Variants in FRMD8 observed in about 807,000 individuals in gnomAD.
FRMD8 encodes the protein FERM domain containing 8.
Under a neutral mutation model 54.2 loss-of-function variants are expected in FRMD8, and 37 were observed. The ratio of observed to expected loss-of-function variants is 0.68; its 90% CI spans 0.53 to 0.90. FRMD8 has a LOEUF of 0.90. FRMD8 is among the 40% of genes least tolerant of loss of function. FRMD8 has a pLI of 0.00. For missense variants in FRMD8, 585 were observed against 653.7 expected (o/e 0.89, Z 1.15); for synonymous variants, 246 against 286.9 (o/e 0.86, Z 1.44).
chr11:65,375,410 G>T, the FRMD8 span: 2 of 152,418 alleles, frequency 1.3e-5, no homozygotes, highest in African/African-American at 2.4e-5. Flanking sequence ...AGGTGGGGAG[G>T]TAAGTCAAGG....
chr11:65,405,089 T>C lies in FRMD8; in HGVS notation c.1276+21T>C, dbSNP rs575913831. 13 of 1,609,294 alleles carry C rather than the reference T, an allele frequency of 8.1e-6. No individual in the cohort carries two copies. In the African/African-American group the frequency reaches 1.1e-4, roughly 13 times the overall value. On this transcript the variant is annotated intron_variant, in intron 10 of 10. Coordinates refer to ENST00000317568, the MANE Select transcript of FRMD8 (RefSeq NM_031904.5). ...GGACGGTGAGCAGCCCTTCTGTGCA[T>C]GTGCACACACAAACACGCATGCGCG...
At chr11:65,401,961 C>A (rs1414748666) in intron 9 of FRMD8, among the ~76,000 whole-genome samples, 2 of 151,704 alleles carry the variant, frequency 1.3e-5, no homozygotes, top group Non-Finnish European at 2.9e-5. Flanking sequence ...CCCAGCCATC[C>A]CAAAGTCAAT....
At chr11:65,386,948 T>C in intron 1 of FRMD8, 89 bp from the exon 2 acceptor site, 1 of 1,151,408 alleles carries the variant, frequency 8.7e-7, no homozygotes, top group East Asian at 2.4e-5. Context: ...CAGCCTGGGA[T>C]CCCTTACCGT....
the FRMD8 span, chr11:65,376,377 G>A: frequency 1.9e-6 from 3 of 1,605,234 alleles, no homozygotes; most frequent in South Asian, 1.1e-5. Context: ...CCGTGGGCCT[G>A]ATGGGGAGCT....
At chr11:65,384,962 C>T (rs1174553241), upstream of FRMD8, among the ~76,000 whole-genome samples, 3 of 152,158 alleles carry the variant, frequency 2.0e-5, no homozygotes, top group Admixed American at 6.5e-5. Flanking sequence ...CCTCCTGCCT[C>T]GGCCTCCCAA....
rs1435747917 is a variant in FRMD8, at chr11:65,404,856, C to T, written c.1072-8C>T. On this transcript the variant is annotated splice_polypyrimidine_tract_variant and splice_region_variant and intron_variant, in intron 9 of 10. Transcript: ENST00000317568. This position sits in a 1 kb window ranked among gnomAD's most constrained non-coding sequence, Gnocchi z 4.7. ...TGGCCAGGCCTCACACTGCCCCCTC[C>T]TCCCCAGGCCGAACTGATGAGCAGT... is the stretch of plus-strand genomic sequence containing the variant. 1.2e-6 allele frequency: 2 copies of T among 1,607,676 alleles called. No individual in the cohort carries two copies. The highest frequency in any genetic ancestry group is 1.7e-6 in the Non-Finnish European group (2 of 1,175,872).
chr11:65,391,748 T>C (rs1855850714), intron 3 of FRMD8, among the ~76,000 whole-genome samples: 1 of 152,110 alleles, frequency 6.6e-6, no homozygotes, highest in African/African-American at 2.4e-5. Context: ...TGACCTCAAG[T>C]GATCCACCCG....
chr11:65,401,864 C>G (rs1856092191), intron 9 of FRMD8, among the ~76,000 whole-genome samples: 1 of 123,404 alleles, frequency 8.1e-6, no homozygotes, highest in South Asian at 2.6e-4. Flanking sequence ...CTGGTTTATG[C>G]TTTTTGTTTC....
chr11:65,373,632 G>A, the FRMD8 span, among the ~76,000 whole-genome samples: 29 of 152,128 alleles, frequency 1.9e-4, no homozygotes, highest in East Asian at 2.7e-3. Context: ...CATCACCCAC[G>A]CTGGAGTACA....
rs114748230 is a variant in FRMD8 at position 65,408,575 on chromosome 11, A to G, written c.1277-2667A>G. 4.7e-3 allele frequency among the ~76,000 whole-genome samples: 707 copies of G among 151,870 alleles called. 7 individuals carry two copies. The highest frequency in any genetic ancestry group is 0.015 in the African/African-American group (631 of 41,390). On this transcript the variant is annotated intron_variant, in intron 10 of 10. Coordinates refer to ENST00000317568, the MANE Select transcript of FRMD8 (RefSeq NM_031904.5). ...TCCTTAGAATCTGAAATGTTTCCTC[A>G]GGATACTTTCCTAGAAATGGCCTTG...
chr11:65,394,387 G>T lies in FRMD8; in HGVS notation c.543G>T (p.Gly181=). The T allele has an allele frequency of 1.9e-6, 3 of 1,572,060 alleles. No homozygotes were observed. The highest frequency in any genetic ancestry group is 1.2e-5 in the South Asian group (1 of 86,362). ...LGALVCRVQL[G]PYQPGRPAAC... ...CCCTGGTGTGCCGCGTGCAGCTTGGGCCCTACCAGCCCGGCCGGCCGGCAG... is the reference window on the plus strand; with the variant it reads ...CCCTGGTGTGCCGCGTGCAGCTTGGTCCCTACCAGCCCGGCCGGCCGGCAG... The change falls in exon 6 of 11, where the codon GGG becomes GGT. Residue 181 remains glycine, a synonymous_variant. Transcript: ENST00000317568.
chr11:65,369,029 G>A, the FRMD8 span, among the ~76,000 whole-genome samples: 2 of 152,098 alleles, frequency 1.3e-5, no homozygotes, highest in Non-Finnish European at 2.9e-5. Flanking sequence ...TTCTCAAGGC[G>A]TTGCTCTCAG....
rs998364092 is a variant in FRMD8 at position 65,411,962 on chromosome 11, A to G, written c.*602A>G. Reference sequence around the variant, plus strand: ...CTCCCTGGATTGAACCGGGACAGAAACACGGTGAGGGCCCCCACCACACCT... The same window carrying G: ...CTCCCTGGATTGAACCGGGACAGAAGCACGGTGAGGGCCCCCACCACACCT... On this transcript the variant is annotated 3_prime_UTR_variant, in exon 11 of 11. Transcript: ENST00000317568. 6.6e-6 allele frequency: 1 copy of G among 152,214 alleles called. No homozygotes were observed. The highest frequency in any genetic ancestry group is 1.5e-5 in the Non-Finnish European group (1 of 68,076). 9.4% of individuals were successfully genotyped at this position (152,214 alleles called of 1,614,324 possible).
At chr11:65,373,998 T>C in the FRMD8 span, among the ~76,000 whole-genome samples, 1 of 148,060 alleles carries the variant, frequency 6.8e-6, no homozygotes, top group African/African-American at 2.5e-5. Flanking sequence ...TGCTAAACTG[T>C]TGCAACAAGG....
intron 10 of FRMD8, among the ~76,000 whole-genome samples, chr11:65,406,840 G>A (rs1273210102): frequency 6.6e-6 from 1 of 151,890 alleles, no homozygotes; most frequent in African/African-American, 2.4e-5. Flanking sequence ...TTGGGAGGCT[G>A]AAAGCAGGAG....
At chr11:65,381,898 G>A (rs1855582087), upstream of FRMD8, 1 of 1,613,922 alleles carries the variant, frequency 6.2e-7, no homozygotes, top group Non-Finnish European at 8.5e-7. Context: ...GTGACAGAAG[G>A]AAGAAAAATG....
At chr11:65,380,415 G>T in the FRMD8 span, 3 of 940,698 alleles carry the variant, frequency 3.2e-6, no homozygotes, top group Non-Finnish European at 4.7e-6. Flanking sequence ...CCCACCTGAG[G>T]ATGCACACCC....
chr11:65,410,121 T>C (rs1408118079), intron 10 of FRMD8, among the ~76,000 whole-genome samples: 1 of 151,432 alleles, frequency 6.6e-6, no homozygotes, highest in African/African-American at 2.4e-5. Context: ...ATCCCAGCAC[T>C]TTGGGAGGTC....
intron 3 of FRMD8, among the ~76,000 whole-genome samples, chr11:65,392,402 C>T (rs182753536): frequency 2.0e-5 from 3 of 152,330 alleles, no homozygotes; most frequent in East Asian, 1.9e-4. Context: ...GATCAGGCAG[C>T]GCTCGGGAAG....
Sources: allele counts gnomAD v4.1 joint callset (sites outside exome capture counted in the v4.1 genomes callset), GRCh38; gene constraint gnomAD v4.1.1; non-coding constraint Gnocchi (gnomAD v3.1); transcripts MANE v1.5; gene names NCBI Gene and HGNC (gene_info 2026-07-23, HGNC 2026-07-21).